SLC39A6: variants seen among roughly 807,000 people sequenced by gnomAD.
SLC39A6 encodes zinc transporter ZIP6.
SLC39A6 carries 51 observed loss-of-function variants against 63.5 expected under a neutral mutation model. The ratio of observed to expected loss-of-function variants is 0.80; its 90% CI spans 0.64 to 1.01. SLC39A6 has a LOEUF of 1.01. Among genes scored for constraint, SLC39A6 ranks in the 50% least tolerant of loss-of-function variants. The probability of loss-of-function intolerance (pLI) is 0.00; values close to 1 mark genes in which losing one functional copy is unlikely to be tolerated. For missense variants in SLC39A6, 805 were observed against 927.8 expected (o/e 0.87, Z 1.72); for synonymous variants, 318 against 324.7 (o/e 0.98, Z 0.22).
chr18:36,123,612 C>T lies in SLC39A6; in HGVS notation c.1023G>A (p.Leu341=). ...AISIISFLSL[L]GVILVPLMNR... is the part of the protein sequence containing the mutation. Reference sequence around the variant, plus strand: ...TCATGAGAGGCACTAAGATAACCCCCAGCAGAGACAGGAAACTGATGATGG... The same window carrying T: ...TCATGAGAGGCACTAAGATAACCCCTAGCAGAGACAGGAAACTGATGATGG... Residue 341 remains leucine (L), a synonymous_variant, in exon 4 of 10, where the codon CTG becomes CTA. Transcript: ENST00000269187. The T allele has an allele frequency of 1.9e-6, 3 of 1,612,850 alleles. No individual in the cohort carries two copies. The highest frequency in any genetic ancestry group is 2.7e-5 in the African/African-American group (2 of 74,904).
Position 36,114,411 on chromosome 18 carries a change from G to A in SLC39A6, c.1529C>T (p.Ala510Val), listed in dbSNP as rs2089327016. 6.2e-7 allele frequency: 1 copy of A among 1,614,012 alleles called. No individual in the cohort carries two copies. The highest frequency in any genetic ancestry group is 1.7e-5 in the Admixed American group (1 of 60,000). The change falls in exon 7 of 10, where the codon GCA (alanine) becomes GTA (valine). Residue 510 changes from alanine to valine, a missense_variant. By Grantham distance (64) the Ala-to-Val change is moderately conservative (BLOSUM62 0). This residue lies in a region of SLC39A6 where 639 missense variants were observed against 644.0 expected (regional missense o/e 0.99). Transcript: ENST00000269187. ...EPSHFDSQQP[A>V]VLEEEEVMIA... ...CATGACCTCTTCTTCTTCCAAGACT[G>A]CAGGCTGCTGAGAATCAAAGTGGGA... is the stretch of plus-strand genomic sequence containing the variant.
intron 6 of SLC39A6, among the ~76,000 whole-genome samples, chr18:36,115,267 C>T (rs1287121182): frequency 6.6e-6 from 1 of 152,000 alleles, no homozygotes. Context: ...TGGTGAAACC[C>T]CGTCTCTACT....
intron 5 of SLC39A6, among the ~76,000 whole-genome samples, chr18:36,121,468 TAA>T (rs2089393550): frequency 6.6e-6 from 1 of 152,202 alleles, no homozygotes; most frequent in Non-Finnish European, 1.5e-5. Context: ...ACATCATTTT[TAA>T]GAGTCTCCTG....
At chr18:36,128,448 CAT>C (rs2089468451) in intron 1 of SLC39A6, among the ~76,000 whole-genome samples, 1 of 152,208 alleles carries the variant, frequency 6.6e-6, no homozygotes, top group African/African-American at 2.4e-5. Flanking sequence ...TCGTTAAACT[CAT>C]GTGTTGCACA....
intron 7 of SLC39A6, among the ~76,000 whole-genome samples, chr18:36,113,408 A>G (rs2089318018): frequency 6.6e-6 from 1 of 152,104 alleles, no homozygotes; most frequent in Non-Finnish European, 1.5e-5. Context: ...CGACTGTGCA[A>G]TCGGACATTC....
rs2089412546 is a variant in SLC39A6, at chr18:36,123,677, A to T, written c.971-13T>A. 6.3e-7 allele frequency: 1 copy of T among 1,587,358 alleles called. No homozygotes were observed. Among genetic ancestry groups the T allele is most frequent in the Admixed American group, 2.0e-5 (1 of 51,118 alleles). On this transcript the variant is annotated splice_polypyrimidine_tract_variant and intron_variant, in intron 3 of 9. Transcript: ENST00000269187. ...CCACCAACCCAGGCTGTCAAACAAAACAAAACAGAGCAAAGAAAAATTATA... is the reference window on the plus strand; with the variant it reads ...CCACCAACCCAGGCTGTCAAACAAATCAAAACAGAGCAAAGAAAAATTATA...
In SLC39A6 at chr18:36,126,318, G is replaced by C. The variant is rs746539589; in HGVS notation, c.690C>G (p.Ser230Arg). 1.2e-6 allele frequency: 2 copies of C among 1,614,240 alleles called. No individual in the cohort carries two copies. The highest frequency in any genetic ancestry group is 3.3e-5 in the Admixed American group (2 of 60,028). The change falls in exon 2 of 10, where the codon AGC becomes AGG. Residue 230 changes from serine to arginine, a missense_variant. Around this residue, in one of 4 missense-constraint regions of SLC39A6, gnomAD observed 639 missense variants for 644.0 expected, o/e 0.99. Transcript: ENST00000269187. ...SSTPPSVTSK[S>R]RVSRLAGRKT... is the part of the protein sequence containing the mutation. ...TCCTACCAGCCAGCCGGCTCACCCG[G>C]CTCTTTGATGTGACACTGGGTGGAG...
intron 5 of SLC39A6, among the ~76,000 whole-genome samples, chr18:36,120,178 TC>T (rs1424182147): frequency 6.6e-6 from 1 of 151,960 alleles, no homozygotes; most frequent in East Asian, 1.9e-4. Flanking sequence ...GCAAGATGGC[TC>T]TCTTAAGGAA....
chr18:36,116,833 A>C (rs564426887), intron 5 of SLC39A6, 54 bp from the exon 6 acceptor site: 13 of 1,289,198 alleles, frequency 1.0e-5, no homozygotes, highest in Non-Finnish European at 1.4e-5. Flanking sequence ...TTATATGTAC[A>C]GCTTTCAATC....
In SLC39A6 at chr18:36,108,910, T is replaced by C. The variant is rs755779373; in HGVS notation, c.*683A>G. ...TCCAATTTCTTGGTCAAGTGATATA[T>C]TGCTTGAATTCATTAAATATATTTA... On this transcript the variant is annotated 3_prime_UTR_variant, in exon 10 of 10. Coordinates refer to ENST00000269187, the MANE Select transcript of SLC39A6 (RefSeq NM_012319.4). 5.9e-5 allele frequency: 9 copies of C among 152,200 alleles called. No individual in the cohort carries two copies. The highest frequency in any genetic ancestry group is 1.7e-4 in the African/African-American group (7 of 41,460). The allele number at this position is 152,200 out of a possible 1,614,324, so 9.4% of individuals were successfully genotyped here.
In SLC39A6 at chr18:36,123,681, A is replaced by G. The variant is rs1179283070; in HGVS notation, c.971-17T>C. ...CAACCCAGGCTGTCAAACAAAACAA[A>G]ACAGAGCAAAGAAAAATTATACAAC... is the stretch of plus-strand genomic sequence containing the variant. On this transcript the variant is annotated splice_polypyrimidine_tract_variant and intron_variant, in intron 3 of 9. Transcript: ENST00000269187. 6.3e-7 allele frequency: 1 copy of G among 1,580,930 alleles called. No individual in the cohort carries two copies.
intron 6 of SLC39A6, 115 bp downstream of exon 6, chr18:36,116,559 C>T: frequency 1.5e-6 from 1 of 687,544 alleles, no homozygotes. Flanking sequence ...GTATGAGATA[C>T]TGCAAAAACC....
chr18:36,124,559 T>C lies in SLC39A6; in HGVS notation c.931A>G (p.Lys311Glu). The C allele has an allele frequency of 6.4e-7, 1 of 1,573,532 alleles. No individual in the cohort carries two copies. The highest frequency in any genetic ancestry group is 8.7e-7 in the Non-Finnish European group (1 of 1,148,386). Residue 311 changes from lysine to glutamate, a missense_variant, in exon 3 of 10, where the codon AAG (lysine) becomes GAG (glutamate). Physicochemically the swap from Lys to Glu is moderately conservative, Grantham distance 56 (BLOSUM62 1). Coordinates refer to ENST00000269187, the MANE Select transcript of SLC39A6 (RefSeq NM_012319.4). ...TAGGTCTTTGGAGGGATTTCAGCCTTCTTTTCACTTGTATGAATCAGACAA... is the reference window on the plus strand; with the variant it reads ...TAGGTCTTTGGAGGGATTTCAGCCTCCTTTTCACTTGTATGAATCAGACAA... The part of the protein sequence containing the change: ...RSCLIHTSEK[K>E]AEIPPKTYSL...
In SLC39A6 at chr18:36,126,906, C is replaced by T; in HGVS notation, c.102G>A (p.Glu34=). ...CAGATTCCCAATTCGGACTAATTTT[C>T]TCAGTGGTCTGGGGGAAAGCAGCTG... ...LKAAAFPQTT[E]KISPNWESGI... The change falls in exon 2 of 10, where the codon GAG becomes GAA. Residue 34 remains glutamate (E), a synonymous_variant. Transcript: ENST00000269187. The T allele has an allele frequency of 6.2e-7, 1 of 1,614,148 alleles. No individual in the cohort carries two copies. Among genetic ancestry groups the T allele is most frequent in the Non-Finnish European group, 8.5e-7 (1 of 1,180,040 alleles).
Position 36,122,189 on chromosome 18 carries a change from A to T in SLC39A6, c.1222T>A (p.Ser408Thr), listed in dbSNP as rs762070387. 3 of 1,614,154 alleles carry T rather than the reference A, an allele frequency of 1.9e-6. No individual in the cohort carries two copies. The South Asian group carries it at 3.3e-5, about 18-fold the overall frequency. Residue 408 changes from serine to threonine, a missense_variant, in exon 5 of 10, where the codon TCT becomes ACT. Physicochemically the swap from Ser to Thr is moderately conservative, Grantham distance 58. Transcript: ENST00000269187. ...MKRGPLFSHL[S>T]SQNIEESAYF... ...GCACTTTCTTCTATGTTTTGAGAAG[A>T]CAGATGACTGAAAAGTGGTCCTCTT...
Position 36,116,694 on chromosome 18 carries a change from T to A in SLC39A6, c.1445A>T (p.Glu482Val). Residue 482 changes from glutamate to valine, a missense_variant, in exon 6 of 10, where the codon GAG becomes GTG. By Grantham distance (121) the Glu-to-Val change is moderately radical. This residue lies in a region of SLC39A6 where 639 missense variants were observed against 644.0 expected (regional missense o/e 0.99). Coordinates refer to ENST00000269187, the MANE Select transcript of SLC39A6 (RefSeq NM_012319.4). The stretch of plus-strand genomic sequence containing the variant: ...CTTACGATCATCTGTATCTACTTTC[T>A]CCTCATTTGTTGAAAGTTGAGATTC... Reference protein sequence around the residue: ...KYESQLSTNEEKVDTDDRTEG... With the variant: ...KYESQLSTNEVKVDTDDRTEG... The A allele has an allele frequency of 6.2e-7, 1 of 1,609,420 alleles. No individual in the cohort carries two copies. The highest frequency in any genetic ancestry group is 8.5e-7 in the Non-Finnish European group (1 of 1,175,978).
At chr18:36,120,758 G>T (rs1433066857) in intron 5 of SLC39A6, among the ~76,000 whole-genome samples, 1 of 152,186 alleles carries the variant, frequency 6.6e-6, no homozygotes, top group Non-Finnish European at 1.5e-5. Flanking sequence ...CTCCCAAAGT[G>T]CTAGGATCAT....
At chr18:36,110,892 G>T in intron 9 of SLC39A6, 167 bp downstream of exon 9, 1 of 1,158,406 alleles carries the variant, frequency 8.6e-7, no homozygotes, top group Non-Finnish European at 1.2e-6. Flanking sequence ...TCAGGAGGCT[G>T]AGATGGAAGG....
chr18:36,110,144 T>TA (rs2089289632), intron 9 of SLC39A6, among the ~76,000 whole-genome samples: 1 of 152,082 alleles, frequency 6.6e-6, no homozygotes, highest in Admixed American at 6.5e-5. Flanking sequence ...GCTTACAAAG[T>TA]AAAAAATAAA....
Sources: gnomAD v4.1 joint callset for allele counts (sites outside exome capture counted in the v4.1 genomes callset) on GRCh38, gnomAD v4.1.1 for gene constraint, gnomAD v4.1.1 regional missense constraint, MANE v1.5 for transcripts, NCBI Gene and HGNC (gene_info 2026-07-23, HGNC 2026-07-21) for gene names.